STPG2: variants seen among roughly 807,000 people sequenced by gnomAD.
STPG2 encodes the protein sperm-tail PG-rich repeat-containing protein 2.
A neutral mutation model predicts 54.2 loss-of-function variants in STPG2; 56 were observed. That is an observed-to-expected ratio of 1.03 (90% CI 0.83 to 1.29). The LOEUF is 1.29. Ranked by LOEUF, STPG2 falls within the 50% of genes most tolerant of loss-of-function variation. The pLI is 0.00. For synonymous variants in STPG2, 200 were observed against 181.8 expected (o/e 1.10, Z -0.81); for missense variants, 596 against 544.9 (o/e 1.09, Z -0.93).
intron 4 of STPG2, among the ~76,000 whole-genome samples, chr4:97,475,012 C>T (rs1280745226): frequency 6.6e-6 from 1 of 152,018 alleles, no homozygotes; most frequent in Non-Finnish European, 1.5e-5. Context: ...TTCATTCACT[C>T]TATTAGCATA....
intron 9 of STPG2, among the ~76,000 whole-genome samples, chr4:97,822,844 T>A (rs1393654362): frequency 1.3e-5 from 2 of 152,150 alleles, no homozygotes; most frequent in African/African-American, 4.8e-5. Context: ...CCAGGCACCA[T>A]CTCCAAAACT....
intron 9 of STPG2, among the ~76,000 whole-genome samples, chr4:97,800,001 CGTA>C (rs1262171262): frequency 6.6e-6 from 1 of 152,148 alleles, no homozygotes; most frequent in Non-Finnish European, 1.5e-5. Flanking sequence ...GAATTTGTCA[CGTA>C]GTTCTCGTGC....
chr4:97,468,286 T>C (rs1209533545), intron 4 of STPG2, among the ~76,000 whole-genome samples: 1 of 152,012 alleles, frequency 6.6e-6, no homozygotes, highest in Non-Finnish European at 1.5e-5. Flanking sequence ...AGTTATTTCT[T>C]TGGGTTTTAA....
intron 9 of STPG2, among the ~76,000 whole-genome samples, chr4:97,779,507 G>T (rs183963713): frequency 6.3e-4 from 96 of 152,240 alleles, no homozygotes; most frequent in Non-Finnish European, 1.1e-3. Context: ...AAAACACTCT[G>T]CAGGATATTA....
At chr4:97,580,712 C>T (rs983840311) in intron 10 of STPG2, among the ~76,000 whole-genome samples, 1 of 151,954 alleles carries the variant, frequency 6.6e-6, no homozygotes, top group South Asian at 2.1e-4. Flanking sequence ...CTACTCTATC[C>T]TAGCTAAATA....
intron 10 of STPG2, among the ~76,000 whole-genome samples, chr4:97,585,934 A>G (rs966082272): frequency 6.6e-6 from 1 of 151,952 alleles, no homozygotes; most frequent in Non-Finnish European, 1.5e-5. Context: ...GAAATGTCTA[A>G]GATATAATTA....
At chr4:97,683,281 G>C (rs1025771292) in intron 10 of STPG2, among the ~76,000 whole-genome samples, 8 of 151,748 alleles carry the variant, frequency 5.3e-5, no homozygotes, top group African/African-American at 1.9e-4. Flanking sequence ...AGTCATTAAA[G>C]CTTTGCATTT....
intron 4 of STPG2, among the ~76,000 whole-genome samples, chr4:97,513,992 C>T (rs907649): frequency 0.48 from 72,150 of 151,874 alleles, 18,078 homozygotes; most frequent in South Asian, 0.62. Flanking sequence ...AGAAACAATG[C>T]TTCAAAAACA....
At chr4:97,950,598 A>T (rs1733428785) in intron 7 of STPG2, among the ~76,000 whole-genome samples, 1 of 152,070 alleles carries the variant, frequency 6.6e-6, no homozygotes, top group South Asian at 2.1e-4. Flanking sequence ...CCAAGATTTC[A>T]TCTTGGTTTG....
At chr4:97,883,756 A>G (rs1295567070) in intron 8 of STPG2, among the ~76,000 whole-genome samples, 1 of 152,218 alleles carries the variant, frequency 6.6e-6, no homozygotes, top group African/African-American at 2.4e-5. Flanking sequence ...GAGCTGGACA[A>G]TAGTCAATGT....
intron 4 of STPG2, among the ~76,000 whole-genome samples, chr4:98,106,522 C>A (rs1280947149): frequency 6.6e-6 from 1 of 152,072 alleles, no homozygotes; most frequent in Non-Finnish European, 1.5e-5. Context: ...GAAATTCAGA[C>A]AACCTCAAGA....
chr4:98,101,854 TTTCA>T (rs1739046080), intron 5 of STPG2, among the ~76,000 whole-genome samples: 1 of 146,384 alleles, frequency 6.8e-6, no homozygotes, highest in Non-Finnish European at 1.5e-5. Flanking sequence ...CCCCTTATGA[TTTCA>T]TTATCTTCCC....
At chr4:97,487,460 C>A (rs557908360) in intron 4 of STPG2, among the ~76,000 whole-genome samples, 96 of 151,456 alleles carry the variant, frequency 6.3e-4, no homozygotes, top group African/African-American at 2.1e-3. Context: ...AAACAAAATT[C>A]TTTGATGATA....
chr4:97,566,889 G>T (rs1381096321), intron 10 of STPG2, among the ~76,000 whole-genome samples: 2 of 148,846 alleles, frequency 1.3e-5, no homozygotes, highest in African/African-American at 5.0e-5. Context: ...TTGTGGGGTG[G>T]TGGGAGGGGG....
chr4:97,505,408 G>A (rs1730822390), intron 4 of STPG2, among the ~76,000 whole-genome samples: 1 of 151,842 alleles, frequency 6.6e-6, no homozygotes, highest in South Asian at 2.1e-4. Flanking sequence ...ATAGTCCTTG[G>A]CTGAAGATTT....
At chr4:97,703,045 G>T (rs1240862182) in intron 10 of STPG2, among the ~76,000 whole-genome samples, 3 of 151,958 alleles carry the variant, frequency 2.0e-5, no homozygotes, top group Non-Finnish European at 4.4e-5. Context: ...CTGAAGTTTG[G>T]AGCAACCAAC....
chr4:97,725,611 TAGAGTAAAAAGGCAG>T (rs1724597873), intron 9 of STPG2, among the ~76,000 whole-genome samples: 1 of 151,350 alleles, frequency 6.6e-6, no homozygotes, highest in African/African-American at 2.4e-5. Context: ...TTACAGAATT[TAGAGTAAAAAGGCAG>T]AGAGAGAGAA....
intron 5 of STPG2, among the ~76,000 whole-genome samples, chr4:98,018,941 G>A (rs1247730526): frequency 6.6e-6 from 1 of 151,532 alleles, no homozygotes; most frequent in East Asian, 1.9e-4. Context: ...TGAGTAGGTT[G>A]CGAAAATTTT....
At chr4:97,824,734 T>C (rs577770593) in intron 9 of STPG2, among the ~76,000 whole-genome samples, 8 of 152,310 alleles carry the variant, frequency 5.3e-5, no homozygotes, top group Admixed American at 1.3e-4. Flanking sequence ...AAGCTCAAAA[T>C]TGGCTGCTCT....
Sources: gnomAD v4.1 joint callset for allele counts (sites outside exome capture counted in the v4.1 genomes callset) on GRCh38, gnomAD v4.1.1 for gene constraint, MANE v1.5 for transcripts, NCBI Gene and HGNC (gene_info 2026-07-23, HGNC 2026-07-21) for gene names.